DNM2: variants seen among roughly 807,000 people sequenced by gnomAD.
DNM2 encodes dynamin 2.
In DNM2, 15 loss-of-function variants were observed where a neutral mutation model predicts 99.0. The ratio of observed to expected loss-of-function variants is 0.15; its 90% CI spans 0.10 to 0.23. The LOEUF (loss-of-function observed/expected upper bound fraction) is 0.23. Among genes scored for constraint, DNM2 ranks in the 10% least tolerant of loss-of-function variants. The probability of loss-of-function intolerance (pLI) is 1.00; values close to 1 mark genes in which losing one functional copy is unlikely to be tolerated. For synonymous variants in DNM2, 525 were observed against 481.2 expected (o/e 1.09, Z -1.19); for missense variants, 742 against 1,189.4 (o/e 0.62, Z 5.53).
rs1397741014 is a variant in DNM2, at chr19:10,733,195, T to TG, written c.161+14792_161+14793insG. ...CACCGCGCCTGGGCTGGTGTGGTTT[T>TG]TTTTTTTTTTTTTGGAGACAGGGTC... On this transcript the variant is annotated intron_variant, in intron 1 of 20. Coordinates refer to ENST00000389253, the MANE Select transcript of DNM2 (RefSeq NM_001005361.3). Among the ~76,000 whole-genome samples the TG allele has an allele frequency of 5.2e-4, 77 of 149,414 alleles. 1 individual carries two copies. Among genetic ancestry groups the TG allele is most frequent in the African/African-American group, 1.9e-3 (76 of 40,802 alleles).
At chr19:10,790,484 T>C (rs1462691667) in intron 7 of DNM2, among the ~76,000 whole-genome samples, 2 of 152,180 alleles carry the variant, frequency 1.3e-5, no homozygotes, top group African/African-American at 4.8e-5. Context: ...TTTTTTGTTT[T>C]TGTTTTGAGA....
rs908385483 is a variant in DNM2, at chr19:10,796,532, C to A, written c.1197-848C>A. ...TCCTGGGAAGCAGAGAGGGACCCCC[C>A]GCGTCAACTGCTGGAGGCTGAGCTC... On this transcript the variant is annotated intron_variant, in intron 9 of 20. Transcript: ENST00000389253. This position sits in a 1 kb window ranked among gnomAD's most constrained non-coding sequence, Gnocchi z 5.6. 3.3e-5 allele frequency among the ~76,000 whole-genome samples: 5 copies of A among 152,146 alleles called. No homozygotes were observed. The highest frequency in any genetic ancestry group is 1.2e-4 in the African/African-American group (5 of 41,430).
intron 18 of DNM2, among the ~76,000 whole-genome samples, chr19:10,825,744 C>T (rs1021027705): frequency 6.6e-6 from 1 of 151,388 alleles, no homozygotes; most frequent in African/African-American, 2.4e-5. Context: ...AATCCAGCTA[C>T]CCGGGAAGCT....
rs779676389 is a variant in DNM2 at position 10,793,861 on chromosome 19, GCC to G, written c.1128+11_1128+12del. 1.9e-6 allele frequency: 3 copies of G among 1,614,096 alleles called. No homozygotes were observed. The African/African-American group carries it at 4.0e-5, about 22-fold the overall frequency. On this transcript the variant is annotated splice_region_variant and intron_variant, in intron 8 of 20. Transcript: ENST00000389253. ...TCCCATTTGAGCTGGTGAAGGTAGT[GCC>G]CCCCGGGGCTGGGCCCTCCCGTCTC...
intron 1 of DNM2, among the ~76,000 whole-genome samples, chr19:10,739,559 G>A (rs189061368): frequency 6.6e-6 from 1 of 151,938 alleles, no homozygotes. Context: ...ATGTTTTCAA[G>A]ATTCATCCAT....
chr19:10,828,284 A>AAAAT (rs35336891), intron 18 of DNM2, among the ~76,000 whole-genome samples: 44,601 of 150,448 alleles, frequency 0.3, 6,769 homozygotes, highest in East Asian at 0.58. Flanking sequence ...CTGTCACAAA[A>AAAAT]AAATAAAGAT....
At chr19:10,813,668 C>A (rs1469636484) in intron 15 of DNM2, among the ~76,000 whole-genome samples, 3 of 150,634 alleles carry the variant, frequency 2.0e-5, no homozygotes, top group Non-Finnish European at 4.4e-5. Context: ...TATTAAAACC[C>A]AAAAAAAATT....
At chr19:10,800,217 A>T (rs1200829434) in intron 11 of DNM2, among the ~76,000 whole-genome samples, 7 of 152,116 alleles carry the variant, frequency 4.6e-5, no homozygotes, top group Admixed American at 4.6e-4. Context: ...GTTTGTTGAA[A>T]CCAGAGCTTA....
In DNM2 at chr19:10,818,574, A is replaced by G. The variant is rs1161581816; in HGVS notation, c.1672-1406A>G. Reference sequence around the variant, plus strand: ...GAGGCTGAGCCCATGTGCCAAGCCCACTGCTTCATCCTGGCTCCCCTTGCA... The same window carrying G: ...GAGGCTGAGCCCATGTGCCAAGCCCGCTGCTTCATCCTGGCTCCCCTTGCA... On this transcript the variant is annotated intron_variant, in intron 15 of 20. Transcript: ENST00000389253. This position sits in a 1 kb window ranked among gnomAD's most constrained non-coding sequence, Gnocchi z 4.3. Among the ~76,000 whole-genome samples, 1 of 152,216 alleles carries G rather than the reference A, an allele frequency of 6.6e-6. No individual in the cohort carries two copies. Among genetic ancestry groups the G allele is most frequent in the East Asian group, 1.9e-4 (1 of 5,186 alleles).
At chr19:10,738,404 C>T (rs1193407213) in intron 1 of DNM2, among the ~76,000 whole-genome samples, 3 of 143,830 alleles carry the variant, frequency 2.1e-5, no homozygotes, top group Non-Finnish European at 3.1e-5. Flanking sequence ...ATTGCTTGAG[C>T]CCAGGAGTTT....
chr19:10,732,555 G>A (rs1222064262), intron 1 of DNM2, among the ~76,000 whole-genome samples: 1 of 151,732 alleles, frequency 6.6e-6, no homozygotes, highest in East Asian at 2.0e-4. Flanking sequence ...AGCCGAGATC[G>A]CGCCACTGCA....
In DNM2 at chr19:10,831,718, T is replaced by C. The variant is rs190696940; in HGVS notation, c.*671T>C. On this transcript the variant is annotated 3_prime_UTR_variant, in exon 21 of 21. Transcript: ENST00000389253. This position sits in a 1 kb window ranked among gnomAD's most constrained non-coding sequence, Gnocchi z 4.3. ...CCCCAGGGTGGCTGGGCTTGGGCTATGTGGGTGGTGGTGGCGGGGGGTCTT... is the reference window on the plus strand; with the variant it reads ...CCCCAGGGTGGCTGGGCTTGGGCTACGTGGGTGGTGGTGGCGGGGGGTCTT... The C allele has an allele frequency of 6.2e-4, 610 of 986,536 alleles. 3 individuals are homozygous for C. The African/African-American group carries it at 0.01, about 16-fold the overall frequency. 61.1% of individuals were successfully genotyped at this position (986,536 alleles called of 1,614,324 possible).
chr19:10,718,696 T>C (rs999812100), intron 1 of DNM2: 11 of 268,634 alleles, frequency 4.1e-5, no homozygotes, highest in Non-Finnish European at 7.5e-5. Context: ...GTGGGTGAAG[T>C]CTGCCATCTG....
In DNM2 at chr19:10,818,197, A is replaced by C. The variant is rs1056808422; in HGVS notation, c.1672-1783A>C. On this transcript the variant is annotated intron_variant, in intron 15 of 20. Transcript: ENST00000389253. This position sits in a 1 kb window ranked among gnomAD's most constrained non-coding sequence, Gnocchi z 4.3. Reference sequence around the variant, plus strand: ...GGTCCGCAGCGGCATCCCTCCCTCCATGGCCACCGGGCCCCTCTCCTATGC... The same window carrying C: ...GGTCCGCAGCGGCATCCCTCCCTCCCTGGCCACCGGGCCCCTCTCCTATGC... Among the ~76,000 whole-genome samples the C allele has an allele frequency of 1.8e-5, 2 of 113,360 alleles. No homozygotes were observed. Among genetic ancestry groups the C allele is most frequent in the Admixed American group, 8.7e-5 (1 of 11,508 alleles). The allele number at this position is 113,360 out of a possible 152,430, so 74.4% of individuals were successfully genotyped here.
At position 10,817,399 on chromosome 19, in the gene DNM2, T is replaced by C. The variant is rs1334425992; in HGVS notation, c.1672-2581T>C. 4.0e-6 allele frequency: 2 copies of C among 494,016 alleles called. No individual in the cohort carries two copies. Among genetic ancestry groups the C allele is most frequent in the Non-Finnish European group, 8.3e-6 (2 of 240,460 alleles). The allele number at this position is 494,016 out of a possible 1,614,324, so 30.6% of individuals were successfully genotyped here. On this transcript the variant is annotated intron_variant, in intron 15 of 20. Coordinates refer to ENST00000389253, the MANE Select transcript of DNM2 (RefSeq NM_001005361.3). The surrounding 1 kb of genome is among the most constrained non-coding windows in gnomAD (Gnocchi z 4.6). ...CCTGCCGGCGAGTTTGGGGGGCCTG[T>C]CTCGACGAGCCGCTCACCCAAGCCC...
intron 7 of DNM2, among the ~76,000 whole-genome samples, chr19:10,787,062 G>A (rs370679419): frequency 2.0e-5 from 3 of 152,292 alleles, no homozygotes; most frequent in East Asian, 1.9e-4. Context: ...GGCCAGGAGC[G>A]GTGGTTCACG....
intron 1 of DNM2, among the ~76,000 whole-genome samples, chr19:10,721,454 G>A (rs2068938629): frequency 6.6e-6 from 1 of 152,154 alleles, no homozygotes; most frequent in Non-Finnish European, 1.5e-5. Flanking sequence ...ACCATGGCTG[G>A]CCTCGTTAAG....
intron 16 of DNM2, among the ~76,000 whole-genome samples, chr19:10,822,187 CTTTT>C (rs1245880128): frequency 1.4e-5 from 2 of 140,566 alleles, no homozygotes; most frequent in African/African-American, 2.6e-5. Flanking sequence ...TTTTCTTTTT[CTTTT>C]TTTTTTTTTT....
chr19:10,774,011 C>G (rs554017992), intron 3 of DNM2, among the ~76,000 whole-genome samples: 1 of 152,150 alleles, frequency 6.6e-6, no homozygotes, highest in Admixed American at 6.6e-5. Flanking sequence ...GGGTTCCTTG[C>G]GATAAGTTTT....
Sources: gnomAD v4.1 joint callset for allele counts (sites outside exome capture counted in the v4.1 genomes callset) on GRCh38, gnomAD v4.1.1 for gene constraint, Gnocchi (gnomAD v3.1) non-coding constraint, MANE v1.5 for transcripts, NCBI Gene and HGNC (gene_info 2026-07-23, HGNC 2026-07-21) for gene names.